The following CDH12 variants were observed in gnomAD, a reference collection of about 807,000 sequenced individuals.
The protein encoded by CDH12 is cadherin-12.
Under a neutral mutation model 74.1 loss-of-function variants are expected in CDH12, and 41 were observed. The ratio of observed to expected loss-of-function variants is 0.55; its 90% CI spans 0.43 to 0.72. The LOEUF is 0.72. CDH12 is among the 30% of genes least tolerant of loss of function. CDH12 has a pLI of 0.00. For missense variants in CDH12, 945 were observed against 977.2 expected (o/e 0.97, Z 0.44); for synonymous variants, 399 against 355.0 (o/e 1.12, Z -1.39).
At chr5:22,829,324 T>C (rs1266484861) in intron 1 of CDH12, among the ~76,000 whole-genome samples, 5 of 152,200 alleles carry the variant, frequency 3.3e-5, no homozygotes, top group Non-Finnish European at 7.4e-5. Flanking sequence ...AAATGCTATC[T>C]CATATACTTT....
chr5:22,579,857 A>G (rs1027132268), intron 1 of CDH12, among the ~76,000 whole-genome samples: 2 of 152,166 alleles, frequency 1.3e-5, no homozygotes, highest in Non-Finnish European at 2.9e-5. Flanking sequence ...TCCTCAAAAT[A>G]GTTTTAGCAC....
intron 11 of CDH12, among the ~76,000 whole-genome samples, chr5:21,782,341 G>A (rs1433434266): frequency 6.6e-6 from 1 of 152,086 alleles, no homozygotes; most frequent in African/African-American, 2.4e-5. Flanking sequence ...AAAAGTAATG[G>A]GATCAGCTAA....
intron 8 of CDH12, among the ~76,000 whole-genome samples, chr5:21,834,929 C>G (rs4701495): frequency 0.42 from 64,158 of 151,700 alleles, 16,463 homozygotes; most frequent in African/African-American, 0.72. Context: ...TTTGCTTTCA[C>G]AGTACTTGCT....
intron 5 of CDH12, among the ~76,000 whole-genome samples, chr5:21,996,103 ACGTTTTTTTTTTTTT>A (rs1294820196): frequency 4.6e-4 from 58 of 125,782 alleles, no homozygotes; most frequent in African/African-American, 1.8e-3. Context: ...GTTCACACAC[ACGTTTTTTTTTTTTT>A]TTTTTTTTTT....
chr5:21,883,415 T>C (rs1579903935), intron 6 of CDH12: 1 of 1,574,242 alleles, frequency 6.4e-7, no homozygotes, highest in South Asian at 1.1e-5. Flanking sequence ...TGATAATCGC[T>C]GAAGATGTTG....
chr5:22,065,522 G>A (rs978777122), intron 5 of CDH12, among the ~76,000 whole-genome samples: 2 of 152,072 alleles, frequency 1.3e-5, no homozygotes, highest in Non-Finnish European at 2.9e-5. Flanking sequence ...CACAACTTTG[G>A]TCACTAACAA....
intron 1 of CDH12, among the ~76,000 whole-genome samples, chr5:22,630,214 A>G (rs978098358): frequency 2.6e-5 from 4 of 152,130 alleles, no homozygotes; most frequent in Non-Finnish European, 4.4e-5. Context: ...TGATATTCCT[A>G]TGAAACTACC....
At chr5:22,444,580 T>C (rs1744747009) in intron 2 of CDH12, among the ~76,000 whole-genome samples, 1 of 151,202 alleles carries the variant, frequency 6.6e-6, no homozygotes. Flanking sequence ...TCAGAAAAGA[T>C]GTTTACCTGG....
intron 1 of CDH12, among the ~76,000 whole-genome samples, chr5:22,547,954 C>A (rs1205296660): frequency 1.3e-5 from 2 of 152,114 alleles, no homozygotes; most frequent in Non-Finnish European, 2.9e-5. Flanking sequence ...TAGGCAAATA[C>A]TGCATTGGAT....
intron 1 of CDH12, among the ~76,000 whole-genome samples, chr5:22,760,952 A>T (rs1746196996): frequency 6.6e-6 from 1 of 152,142 alleles, no homozygotes; most frequent in Non-Finnish European, 1.5e-5. Context: ...CCTTATGGGA[A>T]ATTAAATTTT....
intron 9 of CDH12, among the ~76,000 whole-genome samples, chr5:21,803,625 T>C (rs16899334): frequency 0.66 from 99,932 of 152,016 alleles, 34,570 homozygotes; most frequent in Non-Finnish European, 0.77. Context: ...GTTTAAGTGA[T>C]AATTTTAAGG....
intron 4 of CDH12, among the ~76,000 whole-genome samples, chr5:22,210,516 G>T (rs1190830350): frequency 6.7e-6 from 1 of 150,214 alleles, no homozygotes; most frequent in Non-Finnish European, 1.5e-5. Flanking sequence ...TTAAGTTCAG[G>T]GGTACGTATG....
chr5:22,343,455 T>A (rs1243498269), intron 3 of CDH12, among the ~76,000 whole-genome samples: 1 of 152,176 alleles, frequency 6.6e-6, no homozygotes. Flanking sequence ...TCTCGCTCTG[T>A]CACTCAGGCT....
intron 1 of CDH12, among the ~76,000 whole-genome samples, chr5:22,570,739 C>T (rs773608531): frequency 2.0e-5 from 3 of 152,136 alleles, no homozygotes; most frequent in Non-Finnish European, 2.9e-5. Context: ...GCTGTATTAG[C>T]CCCTAATAAA....
intron 6 of CDH12, 48 bp from the exon 7 acceptor site, chr5:21,854,838 C>G (rs757400623): frequency 1.3e-6 from 2 of 1,573,216 alleles, no homozygotes; most frequent in Admixed American, 1.8e-5. Flanking sequence ...TTACTACTTT[C>G]AAGGTCATGA....
intron 1 of CDH12, among the ~76,000 whole-genome samples, chr5:22,743,605 T>C (rs1047956688): frequency 1.3e-5 from 2 of 152,174 alleles, no homozygotes; most frequent in Non-Finnish European, 2.9e-5. Flanking sequence ...TCATTATACA[T>C]GAAATGTTTT....
At chr5:21,857,274 T>C (rs971975850) in intron 6 of CDH12, among the ~76,000 whole-genome samples, 2 of 151,830 alleles carry the variant, frequency 1.3e-5, no homozygotes, top group Non-Finnish European at 2.9e-5. Context: ...GAATCTGAAG[T>C]AGTCTGGTAT....
chr5:21,958,214 C>T (rs1441966450), intron 6 of CDH12, among the ~76,000 whole-genome samples: 1 of 152,178 alleles, frequency 6.6e-6, no homozygotes, highest in Non-Finnish European at 1.5e-5. Context: ...CCCAGCCATG[C>T]TGAACTTCAA....
intron 1 of CDH12, among the ~76,000 whole-genome samples, chr5:22,671,500 C>T (rs1342499611): frequency 6.6e-6 from 1 of 152,124 alleles, no homozygotes; most frequent in Non-Finnish European, 1.5e-5. Context: ...AAATATTTAG[C>T]AGCATCACTG....
Sources: gnomAD v4.1 joint callset for allele counts (sites outside exome capture counted in the v4.1 genomes callset) on GRCh38, gnomAD v4.1.1 for gene constraint, MANE v1.5 for transcripts, NCBI Gene and HGNC (gene_info 2026-07-23, HGNC 2026-07-21) for gene names.